Variants in RP1 observed in about 807,000 individuals in gnomAD.
The protein encoded by RP1 is RP1 axonemal microtubule associated, also known as oxygen-regulated protein 1.
A neutral mutation model predicts 14.8 loss-of-function variants in RP1; 16 were observed. The observed-to-expected ratio is 1.08, with a 90% confidence interval of 0.73 to 1.65. The LOEUF (loss-of-function observed/expected upper bound fraction) is 1.65, where lower values mean the gene tolerates loss of function less well. Ranked by LOEUF, RP1 falls within the 40% of genes most tolerant of loss-of-function variation. RP1 has a pLI of 0.00. For synonymous variants in RP1, 876 were observed against 883.6 expected (o/e 0.99, Z 0.15); for missense variants, 2,631 against 2,535.0 (o/e 1.04, Z -0.81).
At chr8:54,647,996 C>T (rs1806582945) in intron 3 of RP1, among the ~76,000 whole-genome samples, 1 of 152,054 alleles carries the variant, frequency 6.6e-6, no homozygotes, top group Admixed American at 6.6e-5. Flanking sequence ...TGGTTTCCCC[C>T]ATGCTATTCT....
Position 54,626,902 on chromosome 8 carries a change from C to A in RP1, c.3020C>A (p.Thr1007Lys). 6.2e-7 allele frequency: 1 copy of A among 1,613,834 alleles called. No individual in the cohort carries two copies. The highest frequency in any genetic ancestry group is 8.5e-7 in the Non-Finnish European group (1 of 1,179,960). The part of the protein sequence containing the change: ...NDTGEEDLHE[T>K]QVGSLNDAYL... ...ACTGGTGAAGAAGATCTCCATGAGA[C>A]ACAGGTTGGATCTCTGAATGATGCT... The change falls in exon 4 of 4, where the codon ACA becomes AAA. Residue 1007 changes from threonine (T) to lysine (K), a missense_variant. Transcript: ENST00000220676.
At chr8:54,662,981 A>T (rs1806934395) in intron 6 of RP1, among the ~76,000 whole-genome samples, 1 of 152,144 alleles carries the variant, frequency 6.6e-6, no homozygotes, top group Admixed American at 6.6e-5. Context: ...TCTCTCCTTG[A>T]TCTCAGTTCT....
At chr8:54,835,213 A>G (rs1005816755) in intron 24 of RP1, among the ~76,000 whole-genome samples, 1 of 152,194 alleles carries the variant, frequency 6.6e-6, no homozygotes, top group Admixed American at 6.6e-5. Context: ...ATTAAAACTG[A>G]AGTGACTCAG....
chr8:54,728,126 C>G (rs990015381), intron 17 of RP1, among the ~76,000 whole-genome samples: 10 of 152,056 alleles, frequency 6.6e-5, no homozygotes, highest in African/African-American at 2.4e-4. Flanking sequence ...ATTTTGCCTT[C>G]TCTGATTGCA....
chr8:54,853,975 GAGAAAGAAAGGA>G (rs888092563), intron 26 of RP1, among the ~76,000 whole-genome samples: 3 of 149,446 alleles, frequency 2.0e-5, no homozygotes, highest in African/African-American at 4.9e-5. Flanking sequence ...GAGAAAGAAA[GAGAAAGAAAGGA>G]AGAAAGAAAG....
chr8:54,634,008 TG>T (rs1300102941), downstream of RP1, among the ~76,000 whole-genome samples: 5 of 152,106 alleles, frequency 3.3e-5, no homozygotes, highest in East Asian at 9.6e-4. Flanking sequence ...TAAAAAGTCC[TG>T]AGTTTTGTGG....
chr8:54,652,635 C>T (rs1014867279), intron 4 of RP1: 1 of 604,450 alleles, frequency 1.7e-6, no homozygotes. Context: ...TTTTAGTACT[C>T]TCTTGTTAGG....
At chr8:54,826,018 G>T (rs2889029) in intron 24 of RP1, among the ~76,000 whole-genome samples, 111,882 of 152,000 alleles carry the variant, frequency 0.74, 41,821 homozygotes, top group African/African-American at 0.88. Context: ...CAGTGAAGCA[G>T]GATTGTAACC....
At chr8:54,808,801 T>C (rs898691309) in intron 24 of RP1, among the ~76,000 whole-genome samples, 3 of 152,224 alleles carry the variant, frequency 2.0e-5, no homozygotes, top group African/African-American at 7.2e-5. Flanking sequence ...TTTGTTCATC[T>C]TTTCTCTCTG....
At chr8:54,818,193 C>G (rs1240339195) in intron 24 of RP1, among the ~76,000 whole-genome samples, 2 of 152,220 alleles carry the variant, frequency 1.3e-5, no homozygotes, top group Non-Finnish European at 2.9e-5. Context: ...AGTTTTAAAC[C>G]AAATGTTCAC....
intron 24 of RP1, among the ~76,000 whole-genome samples, chr8:54,788,993 C>T (rs538832284): frequency 6.6e-6 from 1 of 152,258 alleles, no homozygotes; most frequent in East Asian, 1.9e-4. Context: ...GGCATCATAC[C>T]CAGCTAGTCC....
chr8:54,714,050 C>T (rs543370376), intron 15 of RP1, among the ~76,000 whole-genome samples: 3 of 152,214 alleles, frequency 2.0e-5, no homozygotes, highest in Admixed American at 1.3e-4. Context: ...CTCAGCTTCC[C>T]GAGTAGCTGG....
At chr8:54,654,958 T>A (rs1294310718) in intron 5 of RP1, among the ~76,000 whole-genome samples, 1 of 152,222 alleles carries the variant, frequency 6.6e-6, no homozygotes, top group Non-Finnish European at 1.5e-5. Context: ...AAAATCTGCC[T>A]TTTTAACAGG....
intron 25 of RP1, among the ~76,000 whole-genome samples, chr8:54,841,742 C>T (rs540201939): frequency 6.6e-5 from 10 of 152,288 alleles, no homozygotes; most frequent in East Asian, 5.8e-4. Context: ...CTTTAGTTAA[C>T]GGCCTGGCAG....
intron 24 of RP1, among the ~76,000 whole-genome samples, chr8:54,789,089 C>T (rs1810399159): frequency 1.3e-5 from 2 of 152,162 alleles, no homozygotes; most frequent in African/African-American, 2.4e-5. Context: ...TACTGAGGGA[C>T]TTGGCAGGGC....
chr8:54,611,892 C>CCTTT (rs1805605013), upstream of RP1, among the ~76,000 whole-genome samples: 1 of 122,728 alleles, frequency 8.1e-6, no homozygotes, highest in Admixed American at 9.4e-5. Context: ...TCTCTCCCTT[C>CCTTT]CTTCCTTCCT....
At chr8:54,773,974 G>A (rs1809973299), downstream of RP1, among the ~76,000 whole-genome samples, 1 of 152,110 alleles carries the variant, frequency 6.6e-6, no homozygotes, top group Admixed American at 6.5e-5. Flanking sequence ...ACCTATACAT[G>A]CTTGGCTGGC....
intron 24 of RP1, among the ~76,000 whole-genome samples, chr8:54,825,622 C>G (rs1377545580): frequency 6.6e-6 from 1 of 152,114 alleles, no homozygotes; most frequent in Non-Finnish European, 1.5e-5. Flanking sequence ...CTATCAGACC[C>G]TGCTGGTTGT....
intron 1 of RP1, among the ~76,000 whole-genome samples, chr8:54,570,743 T>C (rs1804502566): frequency 6.6e-6 from 1 of 152,142 alleles, no homozygotes; most frequent in South Asian, 2.1e-4. Flanking sequence ...AAAACTGGCT[T>C]TGTGTTTCAC....
Sources: allele counts gnomAD v4.1 joint callset (sites outside exome capture counted in the v4.1 genomes callset), GRCh38; gene constraint gnomAD v4.1.1; transcripts MANE v1.5; gene names NCBI Gene and HGNC (gene_info 2026-07-23, HGNC 2026-07-21).